Variants in PPARGC1A observed in about 807,000 individuals in gnomAD.
PPARGC1A encodes PPARG coactivator 1 alpha.
In PPARGC1A, 25 loss-of-function variants were observed where a neutral mutation model predicts 88.7. The observed-to-expected ratio is 0.28, with a 90% CI of 0.21 to 0.39. The LOEUF (loss-of-function observed/expected upper bound fraction) is 0.39. Among genes scored for constraint, PPARGC1A ranks in the 10% least tolerant of loss-of-function variants. PPARGC1A has a pLI of 1.00. For missense variants in PPARGC1A, 880 were observed against 968.7 expected, an observed-to-expected ratio of 0.91 and a Z score of 1.22; for synonymous variants, 363 against 355.6, an observed-to-expected ratio of 1.02 and a Z score of -0.24.
the PPARGC1A span, among the ~76,000 whole-genome samples, chr4:24,069,720 G>A: frequency 2.8e-4 from 42 of 152,344 alleles, no homozygotes; most frequent in African/African-American, 9.4e-4. Context: ...ATAAATACAT[G>A]TTGCAAAGGA....
chr4:24,327,617 A>T, the PPARGC1A span, among the ~76,000 whole-genome samples: 12 of 151,920 alleles, frequency 7.9e-5, no homozygotes, highest in South Asian at 1.7e-3. Context: ...TCTTCTAACA[A>T]CCCCACAATA....
the PPARGC1A span, among the ~76,000 whole-genome samples, chr4:23,963,848 G>A: frequency 1.3e-5 from 2 of 152,168 alleles, no homozygotes; most frequent in Non-Finnish European, 2.9e-5. Context: ...GTCGGGTGAA[G>A]AGTAAGGAAG....
the PPARGC1A span, among the ~76,000 whole-genome samples, chr4:24,300,096 C>T: frequency 3.3e-5 from 5 of 152,286 alleles, no homozygotes; most frequent in African/African-American, 9.6e-5. Flanking sequence ...GTGGGAACAG[C>T]AAGAAGCAAA....
intron 5 of PPARGC1A, among the ~76,000 whole-genome samples, chr4:23,826,977 C>T (rs1406231332): frequency 6.6e-6 from 1 of 152,082 alleles, no homozygotes; most frequent in African/African-American, 2.4e-5. Context: ...AGGAGTAGCC[C>T]GGTGAATTCA....
chr4:24,162,416 G>A, the PPARGC1A span, among the ~76,000 whole-genome samples: 59 of 152,230 alleles, frequency 3.9e-4, no homozygotes, highest in African/African-American at 1.4e-3. Context: ...AGGCTGATCT[G>A]AGTATGTACT....
At chr4:24,057,468 A>G in the PPARGC1A span, among the ~76,000 whole-genome samples, 2 of 152,122 alleles carry the variant, frequency 1.3e-5, no homozygotes, top group African/African-American at 2.4e-5. Context: ...AAAAAAAAAA[A>G]AAAAAGCCAT....
the PPARGC1A span, among the ~76,000 whole-genome samples, chr4:24,283,198 A>G: frequency 1.6e-4 from 25 of 152,308 alleles, no homozygotes; most frequent in Admixed American, 3.3e-4. Context: ...AACAACAGAC[A>G]TGATTGTTCT....
At chr4:23,907,179 A>G (rs1239293467), upstream of PPARGC1A, among the ~76,000 whole-genome samples, 1 of 152,166 alleles carries the variant, frequency 6.6e-6, no homozygotes, top group Non-Finnish European at 1.5e-5. Flanking sequence ...ACCCGTGAAT[A>G]CTAATTCTGA....
At chr4:24,279,778 C>G in the PPARGC1A span, among the ~76,000 whole-genome samples, 12 of 152,256 alleles carry the variant, frequency 7.9e-5, no homozygotes, top group African/African-American at 2.6e-4. Flanking sequence ...TGCCACCCCC[C>G]TTCTTGTCTC....
the PPARGC1A span, among the ~76,000 whole-genome samples, chr4:24,160,388 T>C: frequency 6.6e-6 from 1 of 152,214 alleles, no homozygotes; most frequent in Non-Finnish European, 1.5e-5. Flanking sequence ...ATTAAGTAAG[T>C]AAAAGTATTA....
At chr4:23,812,918 A>C in intron 9 of PPARGC1A, 51 bp from the exon 10 acceptor site, 2 of 1,613,678 alleles carry the variant, frequency 1.2e-6, no homozygotes, top group South Asian at 2.2e-5. Context: ...TTTCATGAGC[A>C]AAATGAATAA....
At chr4:24,333,878 GAGCTGAGTTAGTGCC>G in the PPARGC1A span, among the ~76,000 whole-genome samples, 1 of 134,636 alleles carries the variant, frequency 7.4e-6, no homozygotes, top group Non-Finnish European at 1.5e-5. Flanking sequence ...TGGTTGCAGT[GAGCTGAGTTAGTGCC>G]ACTGCACTCC....
At chr4:24,269,079 T>C in the PPARGC1A span, among the ~76,000 whole-genome samples, 1 of 152,352 alleles carries the variant, frequency 6.6e-6, no homozygotes, top group Admixed American at 6.5e-5. Flanking sequence ...GTTTTATTGC[T>C]TTTAAAATCT....
chr4:24,057,703 G>A, the PPARGC1A span, among the ~76,000 whole-genome samples: 4 of 152,140 alleles, frequency 2.6e-5, no homozygotes, highest in Non-Finnish European at 4.4e-5. Flanking sequence ...AGAGGAAGAT[G>A]CAGGACTTCA....
chr4:24,174,081 T>C, the PPARGC1A span, among the ~76,000 whole-genome samples: 144 of 152,316 alleles, frequency 9.5e-4, no homozygotes, highest in Non-Finnish European at 1.7e-3. Context: ...GTGATGGTCT[T>C]GGTAAAGGCA....
the PPARGC1A span, among the ~76,000 whole-genome samples, chr4:24,470,277 GACACACACACACAC>G: frequency 2.4e-4 from 27 of 110,746 alleles, no homozygotes; most frequent in East Asian, 1.1e-3. This position sits in a 1 kb window ranked among gnomAD's most constrained non-coding sequence, Gnocchi z 5.8. Flanking sequence ...GACAGACACA[GACACACACACACAC>G]ACACACACAC....
upstream of PPARGC1A, chr4:23,904,165 A>G (rs868025634): frequency 4.5e-6 from 2 of 447,766 alleles, no homozygotes; most frequent in Non-Finnish European, 5.9e-6. Context: ...AGTCACTACT[A>G]AATGAACTCC....
chr4:24,297,210 G>A, the PPARGC1A span, among the ~76,000 whole-genome samples: 1 of 152,140 alleles, frequency 6.6e-6, no homozygotes, highest in Non-Finnish European at 1.5e-5. Flanking sequence ...CAGGCATGAG[G>A]TAGGCATCAC....
the PPARGC1A span, among the ~76,000 whole-genome samples, chr4:24,094,339 A>G: frequency 6.6e-6 from 1 of 152,192 alleles, no homozygotes; most frequent in Admixed American, 6.5e-5. Flanking sequence ...ATCTAGCTAG[A>G]ACATAGATCC....
Sources: allele counts gnomAD v4.1 joint callset (sites outside exome capture counted in the v4.1 genomes callset), GRCh38; gene constraint gnomAD v4.1.1; non-coding constraint Gnocchi (gnomAD v3.1); transcripts MANE v1.5; gene names NCBI Gene and HGNC (gene_info 2026-07-23, HGNC 2026-07-21).